CACNG7: variants seen among roughly 807,000 people sequenced by gnomAD.
The protein encoded by CACNG7 is calcium voltage-gated channel auxiliary subunit gamma 7, also known as voltage-dependent calcium channel gamma-7 subunit.
A neutral mutation model predicts 26.3 loss-of-function variants in CACNG7; 9 were observed. The observed-to-expected ratio is 0.34, with a 90% CI of 0.21 to 0.60. The LOEUF is 0.60. CACNG7 is among the 20% of genes least tolerant of loss of function. The pLI is 0.81. For missense variants in CACNG7, 297 were observed against 380.4 expected (o/e 0.78, Z 1.82); for synonymous variants, 170 against 157.0 (o/e 1.08, Z -0.62).
intron 4 of CACNG7, among the ~76,000 whole-genome samples, chr19:53,920,363 T>C (rs2068933536): frequency 9.3e-6 from 1 of 107,316 alleles, no homozygotes. Context: ...CCAGGTCTGG[T>C]CATTGGTGGA....
intron 4 of CACNG7, among the ~76,000 whole-genome samples, chr19:53,929,117 AAAAAC>A (rs200030619): frequency 0.014 from 1,904 of 140,196 alleles, 35 homozygotes; most frequent in South Asian, 0.026. Context: ...ACCTCAAAAA[AAAAAC>A]AAAAAAAAAA....
chr19:53,931,928 A>T (rs540537187), intron 4 of CACNG7, among the ~76,000 whole-genome samples: 155 of 150,486 alleles, frequency 1.0e-3, no homozygotes, highest in African/African-American at 3.3e-3. Flanking sequence ...CGCCCGGCTA[A>T]TTTTTTCTAT....
chr19:53,920,811 G>GT (rs1288661656), intron 4 of CACNG7, among the ~76,000 whole-genome samples: 20 of 90,440 alleles, frequency 2.2e-4, no homozygotes, highest in East Asian at 6.1e-4. Flanking sequence ...CTTGCCCCAG[G>GT]CTGGTCATTG....
At chr19:53,921,760 T>A (rs1477485989) in intron 4 of CACNG7, among the ~76,000 whole-genome samples, 5 of 87,392 alleles carry the variant, frequency 5.7e-5, no homozygotes, top group African/African-American at 3.4e-4. Context: ...CTGGTATTGG[T>A]GGAGTTGTCC....
At chr19:53,922,913 G>A (rs1254537731) in intron 4 of CACNG7, among the ~76,000 whole-genome samples, 1 of 85,162 alleles carries the variant, frequency 1.2e-5, no homozygotes, top group African/African-American at 1.0e-4. Flanking sequence ...CCCCAGGCCT[G>A]GTCATTGGTG....
intron 4 of CACNG7, among the ~76,000 whole-genome samples, chr19:53,929,394 T>A (rs1237858177): frequency 6.6e-6 from 1 of 152,168 alleles, no homozygotes; most frequent in Non-Finnish European, 1.5e-5. Context: ...CCTGCTCATA[T>A]TTCAAGACCA....
In CACNG7 at chr19:53,929,856, G is replaced by A. The variant is rs865825491; in HGVS notation, c.425-11614G>A. On this transcript the variant is annotated intron_variant, in intron 4 of 5. Coordinates refer to ENST00000391767, the MANE Select transcript of CACNG7 (RefSeq NM_031896.5). Reference sequence around the variant, plus strand: ...CTTGGAAGGGATAGAGGAATGGTGGGATTTAGAGTGAATGGGCTTTTCTAG... The same window carrying A: ...CTTGGAAGGGATAGAGGAATGGTGGAATTTAGAGTGAATGGGCTTTTCTAG... Among the ~76,000 whole-genome samples the A allele has an allele frequency of 3.9e-5, 6 of 152,238 alleles. No homozygotes were observed. The South Asian group carries it at 8.3e-4, about 21-fold the overall frequency.
At chr19:53,934,133 G>A (rs931713684) in intron 4 of CACNG7, among the ~76,000 whole-genome samples, 7 of 152,120 alleles carry the variant, frequency 4.6e-5, no homozygotes, top group Admixed American at 3.3e-4. Context: ...CTGACCTCAG[G>A]TGATACACCC....
intron 3 of CACNG7, among the ~76,000 whole-genome samples, chr19:53,915,022 A>C (rs2145898154): frequency 6.6e-6 from 1 of 150,934 alleles, no homozygotes; most frequent in East Asian, 1.9e-4. Context: ...AAAAATAAAT[A>C]AAAGGAAGGA....
At position 53,912,618 on chromosome 19, in the gene CACNG7, C is replaced by T. The variant is rs970081682; in HGVS notation, c.-29-185C>T. ...GGAGCCCAGCCCTGAGGCTGAGGCT[C>T]AACAGTTGGTGTCTCTGGTCAGACT... is the stretch of plus-strand genomic sequence containing the variant. On this transcript the variant is annotated intron_variant, in intron 1 of 5. Coordinates refer to ENST00000391767, the MANE Select transcript of CACNG7 (RefSeq NM_031896.5). The surrounding 1 kb of genome is among the most constrained non-coding windows in gnomAD (Gnocchi z 4.6). 3.6e-6 allele frequency: 2 copies of T among 552,840 alleles called. No homozygotes were observed. Among genetic ancestry groups the T allele is most frequent in the Non-Finnish European group, 6.4e-6 (2 of 312,794 alleles). 34.2% of individuals were successfully genotyped at this position (552,840 alleles called of 1,614,324 possible). A position where few individuals can be genotyped will look rare whatever the true frequency, so the allele number is the denominator to read the frequency against.
At position 53,930,074 on chromosome 19, in the gene CACNG7, C is replaced by CAAAAA. The variant is rs35004784; in HGVS notation, c.425-11381_425-11377dup. ...TAATGTTAGATGGTGCTACATGCTACAAAAAAAAAAAAAAAAAAAGCAGGT... is the reference window on the plus strand; with the variant it reads ...TAATGTTAGATGGTGCTACATGCTACAAAAAAAAAAAAAAAAAAAAAAAAGCAGGT... On this transcript the variant is annotated intron_variant, in intron 4 of 5. Coordinates refer to ENST00000391767, the MANE Select transcript of CACNG7 (RefSeq NM_031896.5). Among the ~76,000 whole-genome samples, 23 of 92,512 alleles carry CAAAAA rather than the reference C, an allele frequency of 2.5e-4. 2 individuals are homozygous for CAAAAA. The highest frequency in any genetic ancestry group is 6.3e-4 in the African/African-American group (17 of 27,032). 60.7% of individuals were successfully genotyped at this position (92,512 alleles called of 152,430 possible).
Position 53,909,446 on chromosome 19 carries a change from G to A in CACNG7, c.-101G>A, listed in dbSNP as rs1448532837. 1 of 150,134 alleles carries A rather than the reference G, an allele frequency of 6.7e-6. No individual in the cohort carries two copies. The highest frequency in any genetic ancestry group is 2.4e-5 in the African/African-American group (1 of 41,134). The allele number at this position is 150,134 out of a possible 1,614,324, so 9.3% of individuals were successfully genotyped here. On this transcript the variant is annotated 5_prime_UTR_variant, in exon 1 of 6. Coordinates refer to ENST00000391767, the MANE Select transcript of CACNG7 (RefSeq NM_031896.5). This position sits in a 1 kb window ranked among gnomAD's most constrained non-coding sequence, Gnocchi z 5.1. ...GACCCCGGTGGCGGCGGCGGCGGCC[G>A]GGGGAAGCCTCGGGGCCGGTCATGC...
chr19:53,925,507 C>T (rs1183955251), intron 4 of CACNG7, among the ~76,000 whole-genome samples: 1 of 143,902 alleles, frequency 6.9e-6, no homozygotes, highest in Non-Finnish European at 1.5e-5. Flanking sequence ...GGACTTGCCC[C>T]AGGCTGGTCA....
intron 4 of CACNG7, 115 bp downstream of exon 4, chr19:53,915,620 C>T: frequency 8.6e-7 from 1 of 1,160,662 alleles, no homozygotes; most frequent in South Asian, 1.5e-5. Context: ...TGCAGACCCT[C>T]TCTGAGCCCC....
In CACNG7 at chr19:53,939,814, T is replaced by C. The variant is rs1433857624; in HGVS notation, c.425-1656T>C. ...ACCTAGGAGTGGAATTGCTGGGTCA[T>C]ATGATAATTCTATCTTTAACTTTTT... On this transcript the variant is annotated intron_variant, in intron 4 of 5. Transcript: ENST00000391767. This position sits in a 1 kb window ranked among gnomAD's most constrained non-coding sequence, Gnocchi z 4.2. 6.6e-6 allele frequency among the ~76,000 whole-genome samples: 1 copy of C among 152,236 alleles called. No individual in the cohort carries two copies. The highest frequency in any genetic ancestry group is 2.4e-5 in the African/African-American group (1 of 41,452).
chr19:53,929,452 A>C (rs1329981372), intron 4 of CACNG7, among the ~76,000 whole-genome samples: 2 of 151,824 alleles, frequency 1.3e-5, no homozygotes, highest in African/African-American at 4.8e-5. Flanking sequence ...CATTCTCTTT[A>C]TTTTTGTATT....
rs1425879697 is a variant in CACNG7 at position 53,912,046 on chromosome 19, A to G, written c.-29-757A>G. Among the ~76,000 whole-genome samples the G allele has an allele frequency of 6.6e-6, 1 of 152,116 alleles. No individual in the cohort carries two copies. Among genetic ancestry groups the G allele is most frequent in the Non-Finnish European group, 1.5e-5 (1 of 68,024 alleles). On this transcript the variant is annotated intron_variant, in intron 1 of 5. Coordinates refer to ENST00000391767, the MANE Select transcript of CACNG7 (RefSeq NM_031896.5). The surrounding 1 kb of genome is among the most constrained non-coding windows in gnomAD (Gnocchi z 4.6). ...TAGTTCAGAGACAGGGTGCAAGAAA[A>G]TGTATCAGGGCATCAGATTAGGGCA...
At chr19:53,932,661 C>A (rs1599996056) in intron 4 of CACNG7, among the ~76,000 whole-genome samples, 1 of 152,266 alleles carries the variant, frequency 6.6e-6, no homozygotes, top group Admixed American at 6.5e-5. Flanking sequence ...GTTGATAGAT[C>A]TCTGAAGCCT....
At chr19:53,920,039 C>G (rs2068929029) in intron 4 of CACNG7, among the ~76,000 whole-genome samples, 1 of 117,708 alleles carries the variant, frequency 8.5e-6, no homozygotes, top group Non-Finnish European at 1.7e-5. Flanking sequence ...TTGCCCCAGG[C>G]TGGTCATTGG....
Sources: gnomAD v4.1 joint callset for allele counts (sites outside exome capture counted in the v4.1 genomes callset) on GRCh38, gnomAD v4.1.1 for gene constraint, Gnocchi (gnomAD v3.1) non-coding constraint, MANE v1.5 for transcripts, NCBI Gene and HGNC (gene_info 2026-07-23, HGNC 2026-07-21) for gene names.